Variants in RAPGEF6 observed in about 807,000 individuals in gnomAD.
The protein encoded by RAPGEF6 is Rap guanine nucleotide exchange factor 6, also known as PDZ domain containing guanine nucleotide exchange factor (GEF) 2.
Under a neutral mutation model 171.4 loss-of-function variants are expected in RAPGEF6, and 56 were observed. The observed-to-expected ratio is 0.33, with a 90% CI of 0.26 to 0.41. The LOEUF is 0.41. Ranked by LOEUF, RAPGEF6 falls within the 10% of genes least tolerant of loss-of-function variation. The pLI is 1.00. For synonymous variants in RAPGEF6, 692 were observed against 650.1 expected, an observed-to-expected ratio of 1.06 and a Z score of -0.98; for missense variants, 1,674 against 1,921.4, an observed-to-expected ratio of 0.87 and a Z score of 2.41.
intron 19 of RAPGEF6, among the ~76,000 whole-genome samples, chr5:131,459,083 T>A (rs1412139894): frequency 6.6e-6 from 1 of 152,234 alleles, no homozygotes; most frequent in Non-Finnish European, 1.5e-5. Flanking sequence ...CTATCAGACC[T>A]TAAAACCTAT....
intron 16 of RAPGEF6, among the ~76,000 whole-genome samples, chr5:131,475,976 A>G (rs970655036): frequency 2.6e-5 from 4 of 152,238 alleles, no homozygotes; most frequent in African/African-American, 4.8e-5. Context: ...AACTGAACTC[A>G]TTAAACATTT....
At chr5:131,553,320 GA>G (rs1224156140) in intron 5 of RAPGEF6, among the ~76,000 whole-genome samples, 4 of 152,314 alleles carry the variant, frequency 2.6e-5, no homozygotes, top group Admixed American at 2.6e-4. Flanking sequence ...AACTCCAGTA[GA>G]AATGTGTTCA....
At chr5:131,458,694 C>A (rs993848232) in intron 19 of RAPGEF6, among the ~76,000 whole-genome samples, 1 of 152,164 alleles carries the variant, frequency 6.6e-6, no homozygotes, top group Non-Finnish European at 1.5e-5. Flanking sequence ...TGCTCTGTCA[C>A]CCAGGCTGGA....
chr5:131,528,809 T>G (rs1205024665), intron 6 of RAPGEF6, among the ~76,000 whole-genome samples: 1 of 149,342 alleles, frequency 6.7e-6, no homozygotes, highest in Non-Finnish European at 1.5e-5. Flanking sequence ...GAGCATAAAC[T>G]GTTTGGTAGG....
At chr5:131,511,657 C>T (rs1757738324) in intron 7 of RAPGEF6, among the ~76,000 whole-genome samples, 1 of 151,810 alleles carries the variant, frequency 6.6e-6, no homozygotes, top group African/African-American at 2.4e-5. Context: ...CCACCCTACC[C>T]AACTAATTTT....
chr5:131,592,863 T>G (rs1199763556), intron 3 of RAPGEF6, among the ~76,000 whole-genome samples: 1 of 152,204 alleles, frequency 6.6e-6, no homozygotes, highest in Non-Finnish European at 1.5e-5. Flanking sequence ...GTATCACACT[T>G]GTAGAAGAAA....
intron 5 of RAPGEF6, among the ~76,000 whole-genome samples, chr5:131,558,697 C>A (rs1761398606): frequency 6.6e-6 from 1 of 152,046 alleles, no homozygotes; most frequent in Non-Finnish European, 1.5e-5. Context: ...CTAAGTAATT[C>A]TTCTTTGACA....
At chr5:131,438,147 C>G (rs1752138622) in intron 24 of RAPGEF6, among the ~76,000 whole-genome samples, 1 of 146,910 alleles carries the variant, frequency 6.8e-6, no homozygotes, top group Admixed American at 6.9e-5. Flanking sequence ...TGCCACTACC[C>G]CTGGCTAATT....
intron 6 of RAPGEF6, among the ~76,000 whole-genome samples, chr5:131,529,333 G>A (rs573617653): frequency 4.7e-4 from 72 of 152,044 alleles, no homozygotes; most frequent in African/African-American, 1.6e-3. Context: ...AAAATTAGCC[G>A]GGAGTGGTGG....
intron 26 of RAPGEF6, among the ~76,000 whole-genome samples, chr5:131,430,140 T>G (rs1171656434): frequency 1.3e-5 from 2 of 152,124 alleles, no homozygotes; most frequent in Admixed American, 6.6e-5. Context: ...TCAGCACATT[T>G]CACCTTCACA....
chr5:131,564,006 A>G (rs1761770306), intron 4 of RAPGEF6, among the ~76,000 whole-genome samples: 1 of 152,226 alleles, frequency 6.6e-6, no homozygotes, highest in Non-Finnish European at 1.5e-5. Flanking sequence ...CAAGACACCA[A>G]AAAGAAGGCA....
intron 6 of RAPGEF6, among the ~76,000 whole-genome samples, chr5:131,524,707 C>T (rs1758765946): frequency 6.6e-6 from 1 of 151,968 alleles, no homozygotes. Context: ...CCTCTGCCTC[C>T]TGGGTTTGAG....
chr5:131,469,772 T>G (rs997080403), intron 17 of RAPGEF6: 34 of 1,453,070 alleles, frequency 2.3e-5, no homozygotes, highest in Non-Finnish European at 3.1e-5. Flanking sequence ...ACAAGGGCAA[T>G]AGAATACTAC....
In RAPGEF6 at chr5:131,531,323, TA is replaced by T. The variant is rs1294023775; in HGVS notation, c.496-9803del. ...AATGTTTTGAAAAAACACTGTTTTA[TA>T]ATACATACATGAGACAGGAAAGATA... On this transcript the variant is annotated intron_variant, in intron 6 of 27. Transcript: ENST00000509018. Among the ~76,000 whole-genome samples the T allele has an allele frequency of 2.0e-5, 3 of 152,346 alleles. No homozygotes were observed. The East Asian group carries it at 5.8e-4, about 29-fold the overall frequency.
At chr5:131,555,769 A>G (rs981756765) in intron 5 of RAPGEF6, among the ~76,000 whole-genome samples, 4 of 152,040 alleles carry the variant, frequency 2.6e-5, no homozygotes, top group Non-Finnish European at 5.9e-5. Flanking sequence ...AATTAATTAT[A>G]ATTAGTTACA....
intron 1 of RAPGEF6, among the ~76,000 whole-genome samples, chr5:131,619,045 G>GA (rs746705784): frequency 0.011 from 1,333 of 117,548 alleles, 8 homozygotes; most frequent in African/African-American, 0.027. Flanking sequence ...TTCATGAAAG[G>GA]AAAAAAAAAA....
chr5:131,500,626 T>C (rs1561514703), intron 11 of RAPGEF6, among the ~76,000 whole-genome samples: 1 of 152,198 alleles, frequency 6.6e-6, no homozygotes, highest in Non-Finnish European at 1.5e-5. Flanking sequence ...CAATTTTATA[T>C]AGCACATGCA....
chr5:131,491,433 T>A (rs926226783), intron 14 of RAPGEF6, among the ~76,000 whole-genome samples: 3 of 152,102 alleles, frequency 2.0e-5, no homozygotes, highest in Admixed American at 6.5e-5. Flanking sequence ...AAGAACAAAA[T>A]TTTAAATGGG....
chr5:131,550,191 T>C (rs1371412762), intron 5 of RAPGEF6, among the ~76,000 whole-genome samples: 1 of 152,124 alleles, frequency 6.6e-6, no homozygotes, highest in Non-Finnish European at 1.5e-5. Context: ...CAATAGGTGA[T>C]CCTGCTGCTT....
Sources: allele counts gnomAD v4.1 joint callset (sites outside exome capture counted in the v4.1 genomes callset), GRCh38; gene constraint gnomAD v4.1.1; transcripts MANE v1.5; gene names NCBI Gene and HGNC (gene_info 2026-07-23, HGNC 2026-07-21).